RTN1: variants seen among roughly 807,000 people sequenced by gnomAD.
RTN1 encodes the protein reticulon 1.
Under a neutral mutation model 65.5 loss-of-function variants are expected in RTN1, and 25 were observed. The ratio of observed to expected loss-of-function variants is 0.38; its 90% CI spans 0.28 to 0.53. RTN1 has a LOEUF of 0.53. RTN1 is among the 20% of genes least tolerant of loss of function. RTN1 has a pLI of 0.79. For missense variants in RTN1, 983 were observed against 1,025.4 expected, an observed-to-expected ratio of 0.96 and a Z score of 0.57; for synonymous variants, 471 against 447.6, an observed-to-expected ratio of 1.05 and a Z score of -0.66.
intron 1 of RTN1, among the ~76,000 whole-genome samples, chr14:59,788,447 A>G (rs775308063): frequency 2.8e-4 from 43 of 152,202 alleles, no homozygotes; most frequent in Admixed American, 2.2e-3. Flanking sequence ...TTGTTTTGGC[A>G]TTCCTTTGAT....
chr14:59,634,387 C>T (rs1228773203), intron 3 of RTN1, among the ~76,000 whole-genome samples: 1 of 152,106 alleles, frequency 6.6e-6, no homozygotes, highest in African/African-American at 2.4e-5. Context: ...GAACTCTATG[C>T]CATATGGAAT....
At chr14:59,624,900 A>AGTTGG (rs1882352570) in intron 3 of RTN1, among the ~76,000 whole-genome samples, 3 of 152,246 alleles carry the variant, frequency 2.0e-5, no homozygotes, top group Admixed American at 6.5e-5. Context: ...TTATTCTGAA[A>AGTTGG]GCTAACCACT....
intron 1 of RTN1, among the ~76,000 whole-genome samples, chr14:59,813,138 T>C (rs1227683396): frequency 6.6e-6 from 1 of 152,206 alleles, no homozygotes; most frequent in East Asian, 1.9e-4. Context: ...AAGTAAGGGC[T>C]TTCTAAAAGA....
chr14:59,795,342 TA>T (rs1886420590), intron 1 of RTN1, among the ~76,000 whole-genome samples: 2 of 152,304 alleles, frequency 1.3e-5, no homozygotes, highest in South Asian at 4.1e-4. Flanking sequence ...ATAACTAGAT[TA>T]ATGTTAAATA....
At chr14:59,744,151 C>A (rs1395884462) in intron 2 of RTN1, among the ~76,000 whole-genome samples, 2 of 152,172 alleles carry the variant, frequency 1.3e-5, no homozygotes, top group Non-Finnish European at 2.9e-5. Context: ...TCTATTCCAA[C>A]ACTTGGATTT....
rs1887215716 is a variant in RTN1 at position 59,836,516 on chromosome 14, A to G, written c.241+33874T>C. ...TTGGCTTTCTTGCTTTCATCTATGGATGGGCTAAAATTTGTTGCTATTAGA... is the reference window on the plus strand; with the variant it reads ...TTGGCTTTCTTGCTTTCATCTATGGGTGGGCTAAAATTTGTTGCTATTAGA... On this transcript the variant is annotated intron_variant, in intron 1 of 8. Coordinates refer to ENST00000267484, the MANE Select transcript of RTN1 (RefSeq NM_021136.3). This position sits in a 1 kb window ranked among gnomAD's most constrained non-coding sequence, Gnocchi z 4.9. Among the ~76,000 whole-genome samples, 1 of 152,146 alleles carries G rather than the reference A, an allele frequency of 6.6e-6. No individual in the cohort carries two copies. Among genetic ancestry groups the G allele is most frequent in the Non-Finnish European group, 1.5e-5 (1 of 68,020 alleles).
intron 1 of RTN1, among the ~76,000 whole-genome samples, chr14:59,776,569 AT>A: frequency 6.6e-6 from 1 of 152,278 alleles, no homozygotes; most frequent in Admixed American, 6.5e-5. Flanking sequence ...ACATTCAAAA[AT>A]AGGAACTTTG....
intron 3 of RTN1, among the ~76,000 whole-genome samples, chr14:59,617,831 G>A (rs1029100406): frequency 3.3e-5 from 5 of 152,136 alleles, no homozygotes; most frequent in South Asian, 2.1e-4. Context: ...GCATGAGTAC[G>A]CTCAGACAGT....
At chr14:59,858,475 T>TG (rs1210299284) in intron 1 of RTN1, among the ~76,000 whole-genome samples, 1 of 151,860 alleles carries the variant, frequency 6.6e-6, no homozygotes, top group Non-Finnish European at 1.5e-5. Context: ...AAGAGTAGTT[T>TG]TTTTTTTTTT....
intron 3 of RTN1, among the ~76,000 whole-genome samples, chr14:59,634,260 G>A (rs1380323609): frequency 6.6e-6 from 1 of 152,148 alleles, no homozygotes; most frequent in African/African-American, 2.4e-5. Flanking sequence ...ATGACAGAAT[G>A]TAATAATTGG....
chr14:59,661,644 C>T (rs1883250022), intron 3 of RTN1, among the ~76,000 whole-genome samples: 1 of 152,148 alleles, frequency 6.6e-6, no homozygotes, highest in African/African-American at 2.4e-5. Context: ...GAACCAACAA[C>T]AAAAACCACA....
chr14:59,753,656 G>T (rs1885576238), intron 1 of RTN1, among the ~76,000 whole-genome samples: 1 of 152,164 alleles, frequency 6.6e-6, no homozygotes, highest in African/African-American at 2.4e-5. Flanking sequence ...GTCCTGTGGG[G>T]ATTGTTGGAA....
chr14:59,837,265 A>G (rs1887229126), intron 1 of RTN1, among the ~76,000 whole-genome samples: 1 of 152,092 alleles, frequency 6.6e-6, no homozygotes, highest in South Asian at 2.1e-4. Flanking sequence ...GGTTAATTTG[A>G]AAAAAACATG....
At chr14:59,813,360 C>G (rs1886763457) in intron 1 of RTN1, among the ~76,000 whole-genome samples, 1 of 152,036 alleles carries the variant, frequency 6.6e-6, no homozygotes, top group African/African-American at 2.4e-5. Context: ...AGCATCACTC[C>G]CAATTAGTTT....
chr14:59,847,293 C>T (rs1243330532), intron 1 of RTN1, among the ~76,000 whole-genome samples: 2 of 152,112 alleles, frequency 1.3e-5, no homozygotes, highest in African/African-American at 4.8e-5. Context: ...AAGTGTATAA[C>T]AATGAAAAAT....
chr14:59,853,061 A>G (rs1887537880), intron 1 of RTN1, among the ~76,000 whole-genome samples: 1 of 152,186 alleles, frequency 6.6e-6, no homozygotes, highest in South Asian at 2.1e-4. Flanking sequence ...GATCTCTATG[A>G]GAGTATCTGG....
At chr14:59,818,999 G>A (rs1886873230) in intron 1 of RTN1, among the ~76,000 whole-genome samples, 1 of 152,076 alleles carries the variant, frequency 6.6e-6, no homozygotes, top group Admixed American at 6.5e-5. Flanking sequence ...CAGTGGGTTC[G>A]TGGTCTCCCT....
At chr14:59,626,667 C>G (rs1475213857) in intron 3 of RTN1, among the ~76,000 whole-genome samples, 2 of 152,194 alleles carry the variant, frequency 1.3e-5, no homozygotes, top group Admixed American at 6.5e-5. Context: ...GTGTTCAGAA[C>G]CCAGTTACGT....
At position 59,720,086 on chromosome 14, in the gene RTN1, G is replaced by A. The variant is rs755094769; in HGVS notation, c.1765+6833C>T. 3.2e-4 allele frequency among the ~76,000 whole-genome samples: 49 copies of A among 152,048 alleles called. 1 individual carries two copies. Among genetic ancestry groups the A allele is most frequent in the Non-Finnish European group, 4.4e-5 (3 of 68,012 alleles). On this transcript the variant is annotated intron_variant, in intron 3 of 8. Coordinates refer to ENST00000267484, the MANE Select transcript of RTN1 (RefSeq NM_021136.3). ...GTGTCCCAAAGATTTGGTATTAAAAGTATTACCAAGGTACAATAACCATTT... is the reference window on the plus strand; with the variant it reads ...GTGTCCCAAAGATTTGGTATTAAAAATATTACCAAGGTACAATAACCATTT...
Sources: allele counts gnomAD v4.1 joint callset (sites outside exome capture counted in the v4.1 genomes callset), GRCh38; gene constraint gnomAD v4.1.1; non-coding constraint Gnocchi (gnomAD v3.1); transcripts MANE v1.5; gene names NCBI Gene and HGNC (gene_info 2026-07-23, HGNC 2026-07-21).